STK25: variants seen among roughly 807,000 people sequenced by gnomAD.
STK25 encodes the protein serine/threonine kinase 25.
A neutral mutation model predicts 53.8 loss-of-function variants in STK25; 29 were observed. That is an observed-to-expected ratio of 0.54 (90% confidence interval 0.40 to 0.74). STK25 has a LOEUF of 0.74. STK25 is among the 30% of genes least tolerant of loss of function. STK25 has a pLI of 0.00. For missense variants in STK25, 420 were observed against 568.0 expected, an observed-to-expected ratio of 0.74 and a Z score of 2.65; for synonymous variants, 247 against 238.3, an observed-to-expected ratio of 1.04 and a Z score of -0.33.
At position 241,493,683 on chromosome 2, in the gene STK25, C is replaced by G; in HGVS notation, c.*1979G>C. The stretch of plus-strand genomic sequence containing the variant: ...AATCTTGGCTCACTATAACCTGCAC[C>G]TCCAGGGTTCAAGCGATTCTTCTGC... On this transcript the variant is annotated 3_prime_UTR_variant, in exon 12 of 12. Coordinates refer to ENST00000316586, the MANE Select transcript of STK25 (RefSeq NM_001271977.2). The G allele has an allele frequency of 1.8e-6, 1 of 551,428 alleles. No individual in the cohort carries two copies. The highest frequency in any genetic ancestry group is 3.0e-5 in the East Asian group (1 of 33,018). The allele number at this position is 551,428 out of a possible 1,614,324, so 34.2% of individuals were successfully genotyped here.
intron 10 of STK25, 58 bp downstream of exon 10, chr2:241,497,556 AAC>A (rs2124952881): frequency 2.6e-6 from 4 of 1,545,678 alleles, no homozygotes; most frequent in African/African-American, 2.7e-5. Context: ...ATCTCCGTGC[AAC>A]AGTGTCACAG....
chr2:241,500,853 G>A (rs2065466880), intron 3 of STK25, 57 bp from the exon 4 acceptor site: 4 of 1,582,794 alleles, frequency 2.5e-6, no homozygotes, highest in Non-Finnish European at 3.5e-6. Context: ...GCATGCTCCA[G>A]GGTGGGAGTC....
In STK25 at chr2:241,493,206, G is replaced by C. The variant is rs527310367; in HGVS notation, c.*2456C>G. 2 of 1,449,730 alleles carry C rather than the reference G, an allele frequency of 1.4e-6. No individual in the cohort carries two copies. Among genetic ancestry groups the C allele is most frequent in the African/African-American group, 1.4e-5 (1 of 71,752 alleles). The allele number at this position is 1,449,730 out of a possible 1,614,324, so 89.8% of individuals were successfully genotyped here. ...TCCCTTGGCCCGTGGGCATTTGTAC[G>C]TGCCACCGTTGTGCAGGTAGCAGAG... On this transcript the variant is annotated 3_prime_UTR_variant, in exon 12 of 12. Coordinates refer to ENST00000316586, the MANE Select transcript of STK25 (RefSeq NM_001271977.2).
At chr2:241,508,690 G>C, upstream of STK25, 1 of 985,750 alleles carries the variant, frequency 1.0e-6, no homozygotes, top group Non-Finnish European at 1.2e-6. Flanking sequence ...GCTGGCGTTG[G>C]ACTACAAGTC....
Position 241,494,315 on chromosome 2 carries a change from A to C in STK25, c.*1347T>G, listed in dbSNP as rs1431781368. 1 of 397,930 alleles carries C rather than the reference A, an allele frequency of 2.5e-6. No individual in the cohort carries two copies. The highest frequency in any genetic ancestry group is 4.6e-6 in the Non-Finnish European group (1 of 218,006). The allele number at this position is 397,930 out of a possible 1,614,324, so 24.6% of individuals were successfully genotyped here. A position where few individuals can be genotyped will look rare whatever the true frequency, so the allele number is the denominator to read the frequency against. On this transcript the variant is annotated 3_prime_UTR_variant, in exon 12 of 12. Coordinates refer to ENST00000316586, the MANE Select transcript of STK25 (RefSeq NM_001271977.2). This position sits in a 1 kb window ranked among gnomAD's most constrained non-coding sequence, Gnocchi z 4.9. Reference sequence around the variant, plus strand: ...CATCCCCCCACCCAGGACCTAGTGCATGCCAGCAGCTATCTGGGGCCCTGG... The same window carrying C: ...CATCCCCCCACCCAGGACCTAGTGCCTGCCAGCAGCTATCTGGGGCCCTGG...
intron 10 of STK25, 154 bp downstream of exon 10, chr2:241,497,462 C>A: frequency 1.4e-6 from 1 of 735,698 alleles, no homozygotes; most frequent in Admixed American, 2.3e-5. Flanking sequence ...GCAGATTCTG[C>A]TCCTTCCACT....
rs763481609 is a variant in STK25 at position 241,498,999 on chromosome 2, T to A, written c.761A>T (p.Asp254Val). ...KEFVEACLNKDPRFRPTAKEL... is the reference protein window; with the variant it reads ...KEFVEACLNKVPRFRPTAKEL... ...AGAGGCGGGCCTTACGAATCGGGGGTCTTTGTTGAGGCAGGCCTCCACGAA... is the reference window on the plus strand; with the variant it reads ...AGAGGCGGGCCTTACGAATCGGGGGACTTTGTTGAGGCAGGCCTCCACGAA... Residue 254 changes from aspartate (D) to valine (V), a missense_variant, in exon 7 of 12, where the codon GAC (aspartate) becomes GTC (valine). Transcript: ENST00000316586. The A allele has an allele frequency of 6.2e-7, 1 of 1,612,472 alleles. No homozygotes were observed. Among genetic ancestry groups the A allele is most frequent in the Admixed American group, 1.7e-5 (1 of 59,934 alleles).
intron 2 of STK25, among the ~76,000 whole-genome samples, 176 bp downstream of exon 2, chr2:241,507,830 C>T (rs2065935243): frequency 6.6e-6 from 1 of 152,254 alleles, no homozygotes; most frequent in Non-Finnish European, 1.5e-5. Context: ...AGGCACACGG[C>T]AGAGCCCCGG....
chr2:241,493,130 C>A lies in STK25; in HGVS notation c.*2532G>T. On this transcript the variant is annotated 3_prime_UTR_variant, in exon 12 of 12. Transcript: ENST00000316586. ...TGTCCCTTTTGTATTTTGGTTCTGC[C>A]CTCCCATGCTTTGCCCACACACCCT... 1 of 1,142,056 alleles carries A rather than the reference C, an allele frequency of 8.8e-7. No homozygotes were observed. Among genetic ancestry groups the A allele is most frequent in the Non-Finnish European group, 1.3e-6 (1 of 760,158 alleles). The allele number at this position is 1,142,056 out of a possible 1,614,324, so 70.7% of individuals were successfully genotyped here. A position where few individuals can be genotyped will look rare whatever the true frequency, so the allele number is the denominator to read the frequency against.
At chr2:241,504,081 C>T (rs1195753913) in intron 2 of STK25, 4 of 471,042 alleles carry the variant, frequency 8.5e-6, no homozygotes, top group African/African-American at 2.0e-5. Context: ...TGCCAGACCT[C>T]GAGGTGACTG....
In STK25 at chr2:241,496,494, G is replaced by A. The variant is rs200296448; in HGVS notation, c.1145C>T (p.Ala382Val). 3.0e-5 allele frequency: 49 copies of A among 1,613,166 alleles called. No individual in the cohort carries two copies. Among genetic ancestry groups the A allele is most frequent in the South Asian group, 2.9e-4 (26 of 91,030 alleles). ...GAAGGCGTTCTCCAGCTCCTCCAGCGCACCCACGCTCCCGCCGCTCTGCTT... is the reference window on the plus strand; with the variant it reads ...GAAGGCGTTCTCCAGCTCCTCCAGCACACCCACGCTCCCGCCGCTCTGCTT... ...KHKQSGGSVG[A>V]LEELENAFSL... The change falls in exon 11 of 12, where the codon GCG (alanine) becomes GTG (valine). Residue 382 changes from alanine to valine, a missense_variant. Coordinates refer to ENST00000316586, the MANE Select transcript of STK25 (RefSeq NM_001271977.2). This position sits in a 1 kb window ranked among gnomAD's most constrained non-coding sequence, Gnocchi z 5.8.
At chr2:241,500,111 G>T in intron 5 of STK25, 62 bp downstream of exon 5, 1 of 1,448,546 alleles carries the variant, frequency 6.9e-7, no homozygotes, top group South Asian at 1.1e-5. Flanking sequence ...CACAGGCCCC[G>T]GCCTCTCTAA....
At chr2:241,508,200 C>T (rs962098698) in intron 1 of STK25, 65 bp from the exon 2 acceptor site, 334 of 1,323,618 alleles carry the variant, frequency 2.5e-4, no homozygotes, top group Non-Finnish European at 2.9e-4. Context: ...TCCGGGGCGG[C>T]GGGCTCCATG....
At chr2:241,500,895 AC>A in intron 3 of STK25, 99 bp from the exon 4 acceptor site, 1 of 1,209,016 alleles carries the variant, frequency 8.3e-7, no homozygotes, top group Non-Finnish European at 1.2e-6. Flanking sequence ...CCCAGGCCCC[AC>A]CGGTCCCATC....
intron 5 of STK25, 172 bp from the exon 6 acceptor site, chr2:241,499,586 G>C: frequency 1.3e-6 from 1 of 785,152 alleles, no homozygotes; most frequent in Non-Finnish European, 2.0e-6. Flanking sequence ...TAGGGCCACA[G>C]GGGCACTGCC....
At position 241,508,075 on chromosome 2, in the gene STK25, G is replaced by A. The variant is rs903584235; in HGVS notation, c.-40C>T. On this transcript the variant is annotated 5_prime_UTR_variant, in exon 2 of 12. Transcript: ENST00000316586. Reference sequence around the variant, plus strand: ...AGACCCTCCGCCAGCAGCCCCAGGAGGCGTCTGGATCCCGCGGAGAGGCGC... The same window carrying A: ...AGACCCTCCGCCAGCAGCCCCAGGAAGCGTCTGGATCCCGCGGAGAGGCGC... The A allele has an allele frequency of 1.9e-6, 3 of 1,582,622 alleles. No homozygotes were observed. The highest frequency in any genetic ancestry group is 1.4e-5 in the African/African-American group (1 of 73,922).
chr2:241,502,848 T>A (rs1248810805), intron 2 of STK25, among the ~76,000 whole-genome samples: 1 of 152,134 alleles, frequency 6.6e-6, no homozygotes, highest in African/African-American at 2.4e-5. Context: ...AGAAAGGGCT[T>A]CCCTCACCCC....
chr2:241,493,077 C>G lies in STK25; in HGVS notation c.*2585G>C, dbSNP rs1464121821. ...TGGAGCCCAATGCAGGTGATGCTAG[C>G]AGACAGACACTTAACCCTGCTCACC... On this transcript the variant is annotated 3_prime_UTR_variant, in exon 12 of 12. Coordinates refer to ENST00000316586, the MANE Select transcript of STK25 (RefSeq NM_001271977.2). The G allele has an allele frequency of 3.2e-6, 4 of 1,230,934 alleles. No individual in the cohort carries two copies. The highest frequency in any genetic ancestry group is 3.6e-6 in the Non-Finnish European group (3 of 830,838). 76.3% of individuals were successfully genotyped at this position (1,230,934 alleles called of 1,614,324 possible).
chr2:241,509,345 C>T (rs1451479593), upstream of STK25: 1 of 152,372 alleles, frequency 6.6e-6, no homozygotes, highest in Non-Finnish European at 1.5e-5. Flanking sequence ...TCCCCAGGGT[C>T]CGGGAGGGAC....
Sources: allele counts gnomAD v4.1 joint callset (sites outside exome capture counted in the v4.1 genomes callset), GRCh38; gene constraint gnomAD v4.1.1; non-coding constraint Gnocchi (gnomAD v3.1); transcripts MANE v1.5; gene names NCBI Gene and HGNC (gene_info 2026-07-23, HGNC 2026-07-21).